Variants in GHITM observed in about 807,000 individuals in gnomAD.
GHITM encodes growth hormone inducible transmembrane protein.
In GHITM, 24 loss-of-function variants were observed where a neutral mutation model predicts 38.7. The ratio of observed to expected loss-of-function variants is 0.62; its 90% CI spans 0.45 to 0.87. GHITM has a LOEUF of 0.87. GHITM is among the 40% of genes least tolerant of loss of function. The pLI is 0.00. For missense variants in GHITM, 420 were observed against 429.8 expected (o/e 0.98, Z 0.20); for synonymous variants, 154 against 147.8 (o/e 1.04, Z -0.30).
At chr10:84,148,889 T>C in intron 6 of GHITM, 51 bp downstream of exon 6, 1 of 1,063,032 alleles carries the variant, frequency 9.4e-7, no homozygotes, top group Non-Finnish European at 1.5e-6. Flanking sequence ...CCACCTTTTT[T>C]GGGTGGCTCT....
rs7576 is a variant in GHITM, at chr10:84,152,850, A to C, written c.*502A>C. On this transcript the variant is annotated 3_prime_UTR_variant, in exon 9 of 9. Transcript: ENST00000372134. Reference sequence around the variant, plus strand: ...GCACTTGTGTTATTGATTAGTGAGGAGCCAGTAAGAAACATCTGGGTATTT... The same window carrying C: ...GCACTTGTGTTATTGATTAGTGAGGCGCCAGTAAGAAACATCTGGGTATTT... 19,476 of 152,416 alleles carry C rather than the reference A, an allele frequency of 0.13. 1,335 individuals are homozygous for C. The highest frequency in any genetic ancestry group is 0.15 in the Admixed American group (2,336 of 15,286). 9.4% of individuals were successfully genotyped at this position (152,416 alleles called of 1,614,324 possible). A position where few individuals can be genotyped will look rare whatever the true frequency, so the allele number is the denominator to read the frequency against.
Position 84,152,336 on chromosome 10 carries a change from C to T in GHITM, c.1026C>T (p.Asn342=), listed in dbSNP as rs770924291. The change falls in exon 9 of 9, where the codon AAC becomes AAT. Residue 342 remains asparagine (N), a synonymous_variant. Coordinates refer to ENST00000372134, the MANE Select transcript of GHITM (RefSeq NM_014394.3). ...CAACTATGCTGGCAACTGGAGGCAA[C>T]AGAAAGAAATGAAGTGACTCAGCTT... The part of the protein sequence containing the change: ...RVATMLATGG[N]RKK 39 of 1,595,050 alleles carry T rather than the reference C, an allele frequency of 2.4e-5. No homozygotes were observed. The South Asian group carries it at 4.1e-4, about 17-fold the overall frequency.
chr10:84,149,082 C>T (rs192794099), intron 6 of GHITM, among the ~76,000 whole-genome samples: 21 of 152,098 alleles, frequency 1.4e-4, no homozygotes, highest in Non-Finnish European at 2.8e-4. Flanking sequence ...CAGAGATTTA[C>T]TTTTGTGTAT....
At chr10:84,142,792 G>T (rs781646000) in intron 3 of GHITM, 38 bp downstream of exon 3, 15 of 1,131,542 alleles carry the variant, frequency 1.3e-5, no homozygotes, top group Non-Finnish European at 1.9e-5. Context: ...TAGAATCTAT[G>T]GATATGTTTT....
intron 5 of GHITM, among the ~76,000 whole-genome samples, chr10:84,145,318 T>C (rs1199580899): frequency 6.6e-6 from 1 of 152,346 alleles, no homozygotes; most frequent in East Asian, 1.9e-4. Context: ...GTCCGAAATC[T>C]GAAGTCTGAA....
Position 84,142,675 on chromosome 10 carries a change from A to G in GHITM, c.150A>G (p.Arg50=). ...TPSREYATKT[R]IGIRRGRTGQ... is the part of the protein sequence containing the mutation. ...GTCAGGAATATGCCACCAAAACAAG[A>G]ATTGGGATCCGGCGTGGGAGAACTG... Residue 50 remains arginine (R), a synonymous_variant, in exon 3 of 9, where the codon AGA becomes AGG. Transcript: ENST00000372134. 4 of 1,612,452 alleles carry G rather than the reference A, an allele frequency of 2.5e-6. No homozygotes were observed. Among genetic ancestry groups the G allele is most frequent in the Non-Finnish European group, 2.5e-6 (3 of 1,178,772 alleles).
intron 2 of GHITM, among the ~76,000 whole-genome samples, chr10:84,142,348 A>G (rs1449466911): frequency 6.6e-6 from 1 of 152,272 alleles, no homozygotes; most frequent in African/African-American, 2.4e-5. Context: ...GATTTAAAAT[A>G]TAACAATTCT....
rs1311177091 is a variant in GHITM, at chr10:84,150,747, A to G, written c.820A>G (p.Thr274Ala). 6.2e-7 allele frequency: 1 copy of G among 1,612,408 alleles called. No individual in the cohort carries two copies. The highest frequency in any genetic ancestry group is 1.1e-5 in the South Asian group (1 of 90,946). The change falls in exon 8 of 9, where the codon ACT becomes GCT. Residue 274 changes from threonine (T) to alanine (A), a missense_variant. Transcript: ENST00000372134. ...FLPPTTVAGA[T>A]LYSVAMYGGL... ...TCCACCTACCACCGTGGCTGGTGCC[A>G]CTCTTTACTCAGTGGCAATGTACGG...
chr10:84,142,964 C>CTT (rs1200629326), intron 3 of GHITM, among the ~76,000 whole-genome samples: 1 of 151,666 alleles, frequency 6.6e-6, no homozygotes, highest in Non-Finnish European at 1.5e-5. Context: ...TTTTACTTTC[C>CTT]TTTTTTTTAA....
chr10:84,152,053 G>T (rs1224092347), intron 8 of GHITM, among the ~76,000 whole-genome samples: 1 of 152,094 alleles, frequency 6.6e-6, no homozygotes, highest in African/African-American at 2.4e-5. Flanking sequence ...TTTTTAAACT[G>T]CTCTTTAACA....
Position 84,152,265 on chromosome 10 carries a change from A to G in GHITM, c.955A>G (p.Met319Val), listed in dbSNP as rs1348819038. 1.3e-6 allele frequency: 2 copies of G among 1,529,622 alleles called. No homozygotes were observed. The highest frequency in any genetic ancestry group is 1.8e-6 in the Non-Finnish European group (2 of 1,108,944). 94.8% of individuals were successfully genotyped at this position (1,529,622 alleles called of 1,614,324 possible). A position where few individuals can be genotyped will look rare whatever the true frequency, so the allele number is the denominator to read the frequency against. ...GVQKYDPINS[M>V]LSIYMDTLNI... ...AATGGGCATAATTTTCTTTTCTAGG[A>G]TGCTGAGTATCTACATGGATACATT... The change falls in exon 9 of 9, where the codon ATG becomes GTG. Residue 319 changes from methionine to valine, a missense_variant and splice_region_variant. Met to Val is a conservative substitution (Grantham distance 21). Coordinates refer to ENST00000372134, the MANE Select transcript of GHITM (RefSeq NM_014394.3).
intron 5 of GHITM, 79 bp downstream of exon 5, chr10:84,145,095 TA>T (rs1389388994): frequency 8.8e-7 from 1 of 1,132,830 alleles, no homozygotes; most frequent in Non-Finnish European, 1.2e-6. Flanking sequence ...GAAGGGTTAT[TA>T]AATGGAAAGA....
chr10:84,143,875 A>T (rs1296669108), intron 3 of GHITM, 120 bp from the exon 4 acceptor site: 10 of 744,722 alleles, frequency 1.3e-5, no homozygotes, highest in Non-Finnish European at 2.2e-5. Context: ...TCTGTACCCC[A>T]TATGCACTGA....
intron 1 of GHITM, chr10:84,139,896 A>T (rs943751661): frequency 6.6e-6 from 1 of 152,484 alleles, no homozygotes; most frequent in African/African-American, 2.4e-5. Flanking sequence ...CACCTGGGGC[A>T]GGGGCAGAGG....
intron 5 of GHITM, among the ~76,000 whole-genome samples, chr10:84,146,069 A>G (rs992517026): frequency 2.6e-5 from 4 of 152,208 alleles, no homozygotes; most frequent in African/African-American, 9.6e-5. Context: ...AATTAAAAAA[A>G]AATTTTTTTA....
chr10:84,150,723 C>T lies in GHITM; in HGVS notation c.796C>T (p.Pro266Ser). ...TTTGATTTCAGGATCTATGTTTCTT[C>T]CACCTACCACCGTGGCTGGTGCCAC... Reference protein sequence around the residue: ...FVSSLGSMFLPPTTVAGATLY... With the variant: ...FVSSLGSMFLSPTTVAGATLY... The change falls in exon 8 of 9, where the codon CCA (proline) becomes TCA (serine). Residue 266 changes from proline (P) to serine (S), a missense_variant. Transcript: ENST00000372134. The T allele has an allele frequency of 1.3e-6, 2 of 1,591,942 alleles. No homozygotes were observed. Among genetic ancestry groups the T allele is most frequent in the Non-Finnish European group, 1.7e-6 (2 of 1,168,382 alleles).
At position 84,148,587 on chromosome 10, in the gene GHITM, C is replaced by T. The variant is rs1382891931; in HGVS notation, c.484-143C>T. 2.2e-5 allele frequency: 13 copies of T among 600,240 alleles called. 1 individual carries two copies. Among genetic ancestry groups the T allele is most frequent in the East Asian group, 2.1e-4 (7 of 33,692 alleles). 37.2% of individuals were successfully genotyped at this position (600,240 alleles called of 1,614,324 possible). A position where few individuals can be genotyped will look rare whatever the true frequency, so the allele number is the denominator to read the frequency against. Reference sequence around the variant, plus strand: ...CTGGGATTGCAGGCGTGAGCCACCACGCCTGGCCTTAAGCTTTGATTTATT... The same window carrying T: ...CTGGGATTGCAGGCGTGAGCCACCATGCCTGGCCTTAAGCTTTGATTTATT... On this transcript the variant is annotated intron_variant, in intron 5 of 8. Transcript: ENST00000372134.
chr10:84,143,566 T>C (rs1290634665), intron 3 of GHITM, among the ~76,000 whole-genome samples: 1 of 152,172 alleles, frequency 6.6e-6, no homozygotes, highest in East Asian at 1.9e-4. Context: ...TTCTCTTTTT[T>C]CTTGATTTCC....
chr10:84,142,861 A>G (rs983299522), intron 3 of GHITM, 107 bp downstream of exon 3: 4 of 547,192 alleles, frequency 7.3e-6, no homozygotes, highest in Non-Finnish European at 9.8e-6. Flanking sequence ...TTCTGGGAAG[A>G]CCACATTATT....
Sources: allele counts gnomAD v4.1 joint callset (sites outside exome capture counted in the v4.1 genomes callset), GRCh38; gene constraint gnomAD v4.1.1; transcripts MANE v1.5; gene names NCBI Gene and HGNC (gene_info 2026-07-23, HGNC 2026-07-21).